PTPN13: variants seen among roughly 807,000 people sequenced by gnomAD.
The protein encoded by PTPN13 is tyrosine-protein phosphatase non-receptor type 13.
Under a neutral mutation model 284.0 loss-of-function variants are expected in PTPN13, and 191 were observed. The ratio of observed to expected loss-of-function variants is 0.67; its 90% CI spans 0.60 to 0.76. PTPN13 has a LOEUF of 0.76. PTPN13 is among the 30% of genes least tolerant of loss of function. The probability of loss-of-function intolerance (pLI) is 0.00; values close to 1 mark genes in which losing one functional copy is unlikely to be tolerated. For synonymous variants in PTPN13, 986 were observed against 1,022.3 expected, an observed-to-expected ratio of 0.96 and a Z score of 0.68; for missense variants, 2,797 against 2,939.9, an observed-to-expected ratio of 0.95 and a Z score of 1.12.
intron 2 of PTPN13, among the ~76,000 whole-genome samples, chr4:86,661,995 TA>T (rs1169379898): frequency 1.2e-4 from 18 of 151,648 alleles, no homozygotes; most frequent in Non-Finnish European, 2.4e-4. Flanking sequence ...CTTGCAAAAA[TA>T]AAAAAAAATT....
intron 23 of PTPN13, among the ~76,000 whole-genome samples, chr4:86,762,125 A>G (rs1347300852): frequency 6.6e-6 from 1 of 152,132 alleles, no homozygotes; most frequent in Admixed American, 6.6e-5. Flanking sequence ...GGTGCACACC[A>G]TCACGCCCAG....
Position 86,771,232 on chromosome 4 carries a change from C to T in PTPN13, c.4865C>T (p.Ser1622Leu), listed in dbSNP as rs1739960837. 2 of 1,611,324 alleles carry T rather than the reference C, an allele frequency of 1.2e-6. No individual in the cohort carries two copies. Among genetic ancestry groups the T allele is most frequent in the South Asian group, 2.2e-5 (2 of 90,234 alleles). Residue 1622 changes from serine (S) to leucine (L), a missense_variant, in exon 31 of 48, where the codon TCA (serine) becomes TTA (leucine). Transcript: ENST00000411767. ...PNSSKDSSQPSCVEQSTSSDE... is the reference protein window; with the variant it reads ...PNSSKDSSQPLCVEQSTSSDE... ...AGCAGTAAAGACTCTTCTCAGCCAT[C>T]ATGTGTGGAGCAAAGCACCAGCTCA... is the stretch of plus-strand genomic sequence containing the variant.
intron 3 of PTPN13, among the ~76,000 whole-genome samples, chr4:86,685,436 C>A (rs1035605200): frequency 6.6e-6 from 1 of 152,026 alleles, no homozygotes; most frequent in Non-Finnish European, 1.5e-5. Context: ...TAGTGAGATC[C>A]CATCTCTACA....
At chr4:86,632,465 C>T (rs1261148357) in intron 1 of PTPN13, among the ~76,000 whole-genome samples, 2 of 152,106 alleles carry the variant, frequency 1.3e-5, no homozygotes, top group Admixed American at 6.6e-5. Context: ...CCTTTTTCTT[C>T]GGTGTGCTTT....
chr4:86,704,554 T>G (rs780149491), intron 7 of PTPN13, among the ~76,000 whole-genome samples: 1 of 152,322 alleles, frequency 6.6e-6, no homozygotes, highest in Non-Finnish European at 1.5e-5. Context: ...CTTTTATATC[T>G]GCAAAGATGA....
Position 86,734,330 on chromosome 4 carries a change from A to C in PTPN13, c.1886A>C (p.Asp629Ala). ...AATGAATATTTCTTTGTTGATCCTG[A>C]CTTAAAATTAACCAAAGTGGCCCCA... is the stretch of plus-strand genomic sequence containing the variant. The part of the protein sequence containing the change: ...KDNEYFFVDP[D>A]LKLTKVAPEG... Residue 629 changes from aspartate to alanine, a missense_variant, in exon 13 of 48, where the codon GAC becomes GCC. Asp to Ala is a moderately radical substitution (Grantham distance 126). Transcript: ENST00000411767. 1 of 1,535,596 alleles carries C rather than the reference A, an allele frequency of 6.5e-7. No individual in the cohort carries two copies.
chr4:86,633,033 T>C (rs945842353), intron 1 of PTPN13, among the ~76,000 whole-genome samples: 2 of 152,114 alleles, frequency 1.3e-5, no homozygotes, highest in Non-Finnish European at 2.9e-5. Flanking sequence ...TTTGAACTTC[T>C]GGCCTGAAGC....
intron 47 of PTPN13, among the ~76,000 whole-genome samples, chr4:86,811,419 C>T (rs983557502): frequency 2.6e-5 from 4 of 152,156 alleles, no homozygotes; most frequent in African/African-American, 9.7e-5. Flanking sequence ...TAATTAATGG[C>T]ATTCCTTCCC....
At chr4:86,653,484 G>A (rs1166144945) in intron 2 of PTPN13, among the ~76,000 whole-genome samples, 2 of 150,560 alleles carry the variant, frequency 1.3e-5, no homozygotes, top group Admixed American at 6.6e-5. Flanking sequence ...AAGCTCCGGA[G>A]CGCCTCAACT....
At chr4:86,787,533 G>C (rs572884063) in intron 40 of PTPN13, among the ~76,000 whole-genome samples, 84 of 151,412 alleles carry the variant, frequency 5.5e-4, no homozygotes, top group African/African-American at 1.7e-3. Context: ...CGGAGGTTGC[G>C]GTGAGCCGAA....
intron 2 of PTPN13, among the ~76,000 whole-genome samples, chr4:86,638,960 C>T (rs1435335340): frequency 2.0e-5 from 3 of 152,038 alleles, no homozygotes; most frequent in African/African-American, 4.8e-5. Context: ...CCAGAATCTA[C>T]AATGAACTCA....
In PTPN13 at chr4:86,766,439, C is replaced by T. The variant is rs750876206; in HGVS notation, c.4251C>T (p.Arg1417=). Residue 1417 remains arginine (R), a synonymous_variant, in exon 27 of 48, where the codon CGC becomes CGT. Coordinates refer to ENST00000411767, the MANE Select transcript of PTPN13 (RefSeq NM_080683.3). ...GAACTGCCTAATTTTTAGGTGATCG[C>T]GTCCTAGCTGTCAATGGAGTTAGTC... is the stretch of plus-strand genomic sequence containing the variant. The part of the protein sequence containing the change: ...ESDGRIHKGD[R]VLAVNGVSLE... 104 of 1,604,960 alleles carry T rather than the reference C, an allele frequency of 6.5e-5. No individual in the cohort carries two copies. Among genetic ancestry groups the T allele is most frequent in the Middle Eastern group, 1.7e-4 (1 of 6,058 alleles).
At position 86,771,245 on chromosome 4, in the gene PTPN13, A is replaced by G. The variant is rs1739961988; in HGVS notation, c.4878A>G (p.Gln1626=). 6.2e-7 allele frequency: 1 copy of G among 1,610,566 alleles called. No homozygotes were observed. The highest frequency in any genetic ancestry group is 8.5e-7 in the Non-Finnish European group (1 of 1,178,394). The change falls in exon 31 of 48, where the codon CAA becomes CAG. Residue 1626 remains glutamine, a synonymous_variant. Coordinates refer to ENST00000411767, the MANE Select transcript of PTPN13 (RefSeq NM_080683.3). ...KDSSQPSCVE[Q]STSSDENEMS... is the part of the protein sequence containing the mutation. ...CTTCTCAGCCATCATGTGTGGAGCA[A>G]AGCACCAGCTCAGATGAAAATGAAA...
chr4:86,785,473 T>C (rs1213338055), intron 39 of PTPN13, 105 bp downstream of exon 39: 2 of 991,418 alleles, frequency 2.0e-6, no homozygotes, highest in Non-Finnish European at 2.9e-6. Context: ...CTTCTGTTCC[T>C]CATTCATGTG....
intron 17 of PTPN13, among the ~76,000 whole-genome samples, chr4:86,748,808 A>C (rs1737067678): frequency 6.6e-6 from 1 of 152,022 alleles, no homozygotes; most frequent in South Asian, 2.1e-4. Flanking sequence ...GGCGCCTGCC[A>C]CCACGCCCAG....
intron 7 of PTPN13, 31 bp from the exon 8 acceptor site, chr4:86,716,499 C>A: frequency 7.5e-7 from 1 of 1,329,074 alleles, no homozygotes. Context: ...AATGAGTTTG[C>A]TTTCTAATCT....
intron 2 of PTPN13, among the ~76,000 whole-genome samples, chr4:86,654,019 G>A (rs1447161887): frequency 6.6e-6 from 1 of 152,126 alleles, no homozygotes; most frequent in Non-Finnish European, 1.5e-5. Context: ...CACATTTAAA[G>A]CAGTGTGTAG....
intron 7 of PTPN13, among the ~76,000 whole-genome samples, chr4:86,702,588 A>T (rs1377498365): frequency 6.6e-6 from 1 of 152,192 alleles, no homozygotes; most frequent in Non-Finnish European, 1.5e-5. Flanking sequence ...TCTAGAGAAA[A>T]ACTGTTTCAA....
intron 2 of PTPN13, among the ~76,000 whole-genome samples, chr4:86,650,413 G>A (rs1039120726): frequency 1.3e-5 from 2 of 152,144 alleles, no homozygotes; most frequent in African/African-American, 4.8e-5. Flanking sequence ...CTAGGCTCAA[G>A]TGATCCTCCC....
Sources: allele counts gnomAD v4.1 joint callset (sites outside exome capture counted in the v4.1 genomes callset), GRCh38; gene constraint gnomAD v4.1.1; transcripts MANE v1.5; gene names NCBI Gene and HGNC (gene_info 2026-07-23, HGNC 2026-07-21).